Variants in RIT2 observed in about 807,000 individuals in gnomAD.
RIT2 encodes GTP-binding protein Rit2.
A neutral mutation model predicts 23.7 loss-of-function variants in RIT2; 24 were observed. The ratio of observed to expected loss-of-function variants is 1.01; its 90% CI spans 0.73 to 1.43. The LOEUF (loss-of-function observed/expected upper bound fraction) is 1.43. RIT2 is among the 40% of genes most tolerant of loss of function. The probability of loss-of-function intolerance (pLI) is 0.00; values close to 1 mark genes in which losing one functional copy is unlikely to be tolerated. For synonymous variants in RIT2, 107 were observed against 91.1 expected (o/e 1.17, Z -0.99); for missense variants, 236 against 266.9 (o/e 0.88, Z 0.81).
At chr18:42,895,998 T>C (rs1194083303) in intron 4 of RIT2, among the ~76,000 whole-genome samples, 1 of 152,158 alleles carries the variant, frequency 6.6e-6, no homozygotes, top group Non-Finnish European at 1.5e-5. Context: ...GTTTTCGTTT[T>C]TCACGCCTGT....
chr18:43,057,958 G>T (rs1055677361), intron 1 of RIT2, among the ~76,000 whole-genome samples: 2 of 152,108 alleles, frequency 1.3e-5, no homozygotes, highest in African/African-American at 4.8e-5. Flanking sequence ...GGATCTGTAT[G>T]AGAAGAGGCA....
intron 4 of RIT2, among the ~76,000 whole-genome samples, chr18:42,748,009 C>T (rs987841441): frequency 6.6e-6 from 1 of 151,994 alleles, no homozygotes; most frequent in Non-Finnish European, 1.5e-5. Context: ...AACCCAAAAG[C>T]AAATGCAACA....
chr18:43,093,091 T>C (rs1461886002), intron 1 of RIT2, among the ~76,000 whole-genome samples: 2 of 151,986 alleles, frequency 1.3e-5, no homozygotes, highest in Non-Finnish European at 2.9e-5. Flanking sequence ...TAGCATTGAG[T>C]CAAACAGAGA....
chr18:42,996,527 C>A (rs1246478013), intron 2 of RIT2, among the ~76,000 whole-genome samples: 1 of 152,036 alleles, frequency 6.6e-6, no homozygotes, highest in African/African-American at 2.4e-5. Context: ...CCTGTTTCTG[C>A]CTTAACTGAT....
At chr18:42,790,397 T>C (rs552575512) in intron 4 of RIT2, among the ~76,000 whole-genome samples, 16 of 152,284 alleles carry the variant, frequency 1.1e-4, no homozygotes, top group Admixed American at 9.8e-4. Flanking sequence ...GAAAAAAACA[T>C]TGGATGAGAA....
In RIT2 at chr18:43,021,425, C is replaced by G. The variant is rs146732963; in HGVS notation, c.160+12386G>C. ...GTAGAGAAAATAGAACTCTTACACACTGATGGTGAAAATGTAAATTAGTAT... is the reference window on the plus strand; with the variant it reads ...GTAGAGAAAATAGAACTCTTACACAGTGATGGTGAAAATGTAAATTAGTAT... On this transcript the variant is annotated intron_variant, in intron 2 of 4. Coordinates refer to ENST00000326695, the MANE Select transcript of RIT2 (RefSeq NM_002930.4). 3.3e-5 allele frequency among the ~76,000 whole-genome samples: 5 copies of G among 152,158 alleles called. No individual in the cohort carries two copies. The South Asian group carries it at 1.0e-3, about 32-fold the overall frequency.
At chr18:43,105,789 C>T (rs757637625) in intron 1 of RIT2, among the ~76,000 whole-genome samples, 3 of 152,082 alleles carry the variant, frequency 2.0e-5, no homozygotes, top group Non-Finnish European at 4.4e-5. Flanking sequence ...GAGTATGAAC[C>T]GTTACAGTAG....
intron 1 of RIT2, among the ~76,000 whole-genome samples, chr18:43,067,861 C>A (rs982052025): frequency 6.6e-6 from 1 of 151,964 alleles, no homozygotes; most frequent in African/African-American, 2.4e-5. Context: ...CTTTGGGGTG[C>A]CCCTAGCTGA....
At chr18:43,089,885 TA>T (rs1392717540) in intron 1 of RIT2, among the ~76,000 whole-genome samples, 2 of 152,054 alleles carry the variant, frequency 1.3e-5, no homozygotes, top group Admixed American at 1.3e-4. Context: ...ATACAAAAAG[TA>T]AATCAAGATG....
chr18:42,991,539 G>A lies in RIT2; in HGVS notation c.161-17392C>T, dbSNP rs948364566. Among the ~76,000 whole-genome samples, 3 of 152,112 alleles carry A rather than the reference G, an allele frequency of 2.0e-5. No individual in the cohort carries two copies. In the East Asian group the frequency reaches 5.8e-4, roughly 29 times the overall value. ...CAAGCTAAGCCATCATATCCCCTGT[G>A]ACCTGCATGTACAGGGACGAGATGG... On this transcript the variant is annotated intron_variant, in intron 2 of 4. Coordinates refer to ENST00000326695, the MANE Select transcript of RIT2 (RefSeq NM_002930.4).
At chr18:42,745,865 T>C (rs79875535) in intron 4 of RIT2, among the ~76,000 whole-genome samples, 2,830 of 152,296 alleles carry the variant, frequency 0.019, 88 homozygotes, top group African/African-American at 0.065. Flanking sequence ...ACATTTTGTA[T>C]AGCAATACAA....
rs548788726 is a variant in RIT2, at chr18:43,053,089, C to G, written c.104-19222G>C. 2.6e-5 allele frequency among the ~76,000 whole-genome samples: 4 copies of G among 152,068 alleles called. No individual in the cohort carries two copies. The East Asian group carries it at 7.7e-4, about 29-fold the overall frequency. On this transcript the variant is annotated intron_variant, in intron 1 of 4. Transcript: ENST00000326695. ...TTCTTCATCCTCTTACCTATGGCCA[C>G]GTTGTAGGGGTATAGGCTTTGAAGT... is the stretch of plus-strand genomic sequence containing the variant.
chr18:42,887,399 T>C (rs1908050375), intron 4 of RIT2, among the ~76,000 whole-genome samples: 1 of 152,070 alleles, frequency 6.6e-6, no homozygotes, highest in Non-Finnish European at 1.5e-5. Flanking sequence ...TCTCTTGGAG[T>C]TTGAAAAGTA....
chr18:43,032,920 A>T (rs140706711), intron 2 of RIT2, among the ~76,000 whole-genome samples: 2 of 152,130 alleles, frequency 1.3e-5, no homozygotes, highest in African/African-American at 4.8e-5. Flanking sequence ...AAACTAGATG[A>T]TCTTACCCAT....
Position 42,950,057 on chromosome 18 carries a change from A to C in RIT2, c.234+24017T>G, listed in dbSNP as rs565135377. Among the ~76,000 whole-genome samples the C allele has an allele frequency of 2.6e-5, 4 of 152,238 alleles. No individual in the cohort carries two copies. The East Asian group carries it at 7.7e-4, about 29-fold the overall frequency. ...AATGAGGCTTGTACCCAAAACTAGA[A>C]GTTGCCTATTTTACTTCTTCCAACA... is the stretch of plus-strand genomic sequence containing the variant. On this transcript the variant is annotated intron_variant, in intron 3 of 4. Coordinates refer to ENST00000326695, the MANE Select transcript of RIT2 (RefSeq NM_002930.4).
intron 2 of RIT2, among the ~76,000 whole-genome samples, chr18:42,993,663 T>C (rs561021284): frequency 1.3e-5 from 2 of 152,122 alleles, no homozygotes; most frequent in Non-Finnish European, 2.9e-5. Flanking sequence ...AACTAAATTA[T>C]CTGCTTCCCT....
At chr18:42,893,763 G>GA (rs1428481517) in intron 4 of RIT2, among the ~76,000 whole-genome samples, 1 of 151,872 alleles carries the variant, frequency 6.6e-6, no homozygotes, top group Non-Finnish European at 1.5e-5. Flanking sequence ...AAGAAAAAAA[G>GA]AGAGAGTCAA....
chr18:42,872,764 T>C (rs1389425729), intron 4 of RIT2, among the ~76,000 whole-genome samples: 2 of 152,188 alleles, frequency 1.3e-5, no homozygotes, highest in Non-Finnish European at 2.9e-5. Flanking sequence ...TACGGCAAAA[T>C]TTCTCAAATG....
chr18:43,014,629 T>A (rs528234317), intron 2 of RIT2, among the ~76,000 whole-genome samples: 1 of 140,542 alleles, frequency 7.1e-6, no homozygotes, highest in East Asian at 2.1e-4. Context: ...AATAAATACA[T>A]AAATTTTCTC....
Sources: allele counts gnomAD v4.1 joint callset (sites outside exome capture counted in the v4.1 genomes callset), GRCh38; gene constraint gnomAD v4.1.1; transcripts MANE v1.5; gene names NCBI Gene and HGNC (gene_info 2026-07-23, HGNC 2026-07-21).